Variants in CNTNAP2 observed in about 807,000 individuals in gnomAD.
The protein encoded by CNTNAP2 is contactin-associated protein-like 2.
Under a neutral mutation model 155.2 loss-of-function variants are expected in CNTNAP2, and 98 were observed. The observed-to-expected ratio is 0.63, with a 90% confidence interval of 0.54 to 0.75. The LOEUF is 0.75. CNTNAP2 is among the 30% of genes least tolerant of loss of function. CNTNAP2 has a pLI of 0.00. For synonymous variants in CNTNAP2, 651 were observed against 631.2 expected (o/e 1.03, Z -0.47); for missense variants, 1,727 against 1,688.1 (o/e 1.02, Z -0.40).
intron 1 of CNTNAP2, among the ~76,000 whole-genome samples, chr7:146,188,075 A>G (rs1009686510): frequency 1.3e-4 from 20 of 152,190 alleles, no homozygotes; most frequent in African/African-American, 4.3e-4. Context: ...AACATATCAC[A>G]ATAGAATATG....
intron 14 of CNTNAP2, among the ~76,000 whole-genome samples, chr7:147,930,931 C>G (rs1424332283): frequency 6.6e-6 from 1 of 152,018 alleles, no homozygotes; most frequent in Non-Finnish European, 1.5e-5. Flanking sequence ...AAATGAAATA[C>G]TCTTGAACAA....
At chr7:147,195,326 T>C (rs188816577) in intron 8 of CNTNAP2, among the ~76,000 whole-genome samples, 1 of 152,330 alleles carries the variant, frequency 6.6e-6, no homozygotes, top group Admixed American at 6.5e-5. Flanking sequence ...TACTGTGGTC[T>C]TATAGGATAG....
chr7:147,999,276 T>A (rs1801859028), intron 15 of CNTNAP2, among the ~76,000 whole-genome samples: 1 of 152,022 alleles, frequency 6.6e-6, no homozygotes, highest in Non-Finnish European at 1.5e-5. Context: ...AGAGACGGGG[T>A]TTCACCATGT....
chr7:147,414,204 C>G (rs924250161), intron 10 of CNTNAP2, among the ~76,000 whole-genome samples: 1 of 152,074 alleles, frequency 6.6e-6, no homozygotes, highest in South Asian at 2.1e-4. Flanking sequence ...GCAGGCCGAT[C>G]GCTTGCGATC....
At chr7:147,654,329 G>A (rs1795493571) in intron 13 of CNTNAP2, among the ~76,000 whole-genome samples, 1 of 152,164 alleles carries the variant, frequency 6.6e-6, no homozygotes, top group South Asian at 2.1e-4. Flanking sequence ...ATAGGTGTTA[G>A]CAATATCCAA....
intron 1 of CNTNAP2, among the ~76,000 whole-genome samples, chr7:146,428,590 G>A (rs1237459728): frequency 6.6e-6 from 1 of 151,402 alleles, no homozygotes; most frequent in Non-Finnish European, 1.5e-5. Context: ...TTTTTAATGG[G>A]GTTGTTTGTT....
chr7:148,327,983 T>C (rs1585276083), intron 21 of CNTNAP2, among the ~76,000 whole-genome samples: 1 of 152,102 alleles, frequency 6.6e-6, no homozygotes, highest in African/African-American at 2.4e-5. Flanking sequence ...ACAAAGGTAG[T>C]TAGGGCCTTG....
At chr7:146,711,106 GCACACA>G (rs910179732) in intron 1 of CNTNAP2, among the ~76,000 whole-genome samples, 1 of 149,680 alleles carries the variant, frequency 6.7e-6, no homozygotes, top group Admixed American at 6.7e-5. Context: ...TCCTGTATAT[GCACACA>G]CACACACAGA....
chr7:146,217,200 TGTTA>T (rs1799128484), intron 1 of CNTNAP2, among the ~76,000 whole-genome samples: 1 of 152,204 alleles, frequency 6.6e-6, no homozygotes, highest in African/African-American at 2.4e-5. Flanking sequence ...AGAGTTTAAA[TGTTA>T]GTTATAGAAT....
chr7:146,224,551 T>G (rs1210543456), intron 1 of CNTNAP2, among the ~76,000 whole-genome samples: 4 of 150,172 alleles, frequency 2.7e-5, no homozygotes, highest in South Asian at 2.1e-4. Context: ...ATTGAGACTA[T>G]CCTGGCTAAC....
chr7:146,151,646 ATATATATATAT>A (rs769647602), intron 1 of CNTNAP2, among the ~76,000 whole-genome samples: 3,957 of 70,270 alleles, frequency 0.056, 312 homozygotes, highest in African/African-American at 0.097. Flanking sequence ...ATATATATAT[ATATATATATAT>A]ATATATATAT....
chr7:146,483,285 ATATATATATATATAT>A (rs1563101652), intron 1 of CNTNAP2, among the ~76,000 whole-genome samples: 1,454 of 47,220 alleles, frequency 0.031, 91 homozygotes, highest in Non-Finnish European at 0.043. Context: ...AAAAAAAAAT[ATATATATATATATAT>A]ATATATATAT....
At chr7:147,746,608 TC>T (rs1797046838) in intron 13 of CNTNAP2, among the ~76,000 whole-genome samples, 1 of 152,046 alleles carries the variant, frequency 6.6e-6, no homozygotes, top group Admixed American at 6.5e-5. Context: ...CCATGCTACT[TC>T]CCTGGGGAAG....
At chr7:147,774,485 C>T (rs911638227) in intron 13 of CNTNAP2, among the ~76,000 whole-genome samples, 6 of 152,170 alleles carry the variant, frequency 3.9e-5, no homozygotes, top group African/African-American at 1.4e-4. Flanking sequence ...GTTTGTCCCA[C>T]CCCACCTCCA....
At chr7:147,671,328 A>G (rs150747998) in intron 13 of CNTNAP2, among the ~76,000 whole-genome samples, 2,503 of 152,294 alleles carry the variant, frequency 0.016, 222 homozygotes, top group Admixed American at 0.15. Context: ...GTGCACTGAC[A>G]ATAACAAAGT....
At chr7:148,085,713 TTCCTTCCTTCCC>T (rs990011617) in intron 15 of CNTNAP2, among the ~76,000 whole-genome samples, 8 of 152,084 alleles carry the variant, frequency 5.3e-5, no homozygotes, top group African/African-American at 1.7e-4. Context: ...CCTTCCTTCC[TTCCTTCCTTCCC>T]TCCTTCCTTC....
intron 18 of CNTNAP2, among the ~76,000 whole-genome samples, chr7:148,187,395 A>G (rs1795135985): frequency 6.6e-6 from 1 of 152,154 alleles, no homozygotes; most frequent in Non-Finnish European, 1.5e-5. Context: ...TGCAGGGTAA[A>G]CACAGGCCAT....
At chr7:147,538,208 A>C (rs961910247) in intron 11 of CNTNAP2, among the ~76,000 whole-genome samples, 3 of 152,246 alleles carry the variant, frequency 2.0e-5, no homozygotes, top group African/African-American at 7.2e-5. Flanking sequence ...CAATCTTTTA[A>C]GAATGTTGAA....
At chr7:147,680,479 G>T (rs1376155957) in intron 13 of CNTNAP2, among the ~76,000 whole-genome samples, 1 of 151,856 alleles carries the variant, frequency 6.6e-6, no homozygotes, top group African/African-American at 2.4e-5. Context: ...ATGAACACTG[G>T]CCGAAGTGCT....
Sources: gnomAD v4.1 joint callset for allele counts (sites outside exome capture counted in the v4.1 genomes callset) on GRCh38, gnomAD v4.1.1 for gene constraint, MANE v1.5 for transcripts, NCBI Gene and HGNC (gene_info 2026-07-23, HGNC 2026-07-21) for gene names.